KLF8: variants seen among roughly 807,000 people sequenced by gnomAD.
The protein encoded by KLF8 is KLF transcription factor 8, also known as Krueppel-like factor 8.
Under a neutral mutation model 18.2 loss-of-function variants are expected in KLF8, and 10 were observed. The observed-to-expected ratio is 0.55, with a 90% CI of 0.34 to 0.93. The LOEUF (loss-of-function observed/expected upper bound fraction) is 0.93. KLF8 is among the 40% of genes least tolerant of loss of function. The pLI, the probability that KLF8 is intolerant of heterozygous loss-of-function variation, is 0.02. For synonymous variants in KLF8, 109 were observed against 97.3 expected (o/e 1.12, Z -0.71); for missense variants, 264 against 277.9 (o/e 0.95, Z 0.36).
intron 1 of KLF8, among the ~76,000 whole-genome samples, chrX:56,248,306 G>GA (rs58287631): frequency 0.19 from 19,731 of 106,241 alleles, 3,877 homozygotes; most frequent in African/African-American, 0.58. Context: ...CTTAAAGTAT[G>GA]AAAAAAAAAA....
At chrX:56,072,579 A>G in the KLF8 span, among the ~76,000 whole-genome samples, 2 of 111,858 alleles carry the variant, frequency 1.8e-5, no homozygotes, top group African/African-American at 3.2e-5. Context: ...TTACGCTTTT[A>G]TCTTTTGTCA....
chrX:55,957,374 G>T, the KLF8 span, among the ~76,000 whole-genome samples: 2 of 111,674 alleles, frequency 1.8e-5, no homozygotes, highest in Admixed American at 1.9e-4. Flanking sequence ...ACTATTCAGG[G>T]TCCCTTGAGA....
chrX:56,060,872 C>T, the KLF8 span, among the ~76,000 whole-genome samples: 1 of 111,474 alleles, frequency 9.0e-6, no homozygotes, highest in African/African-American at 3.3e-5. Context: ...AATTTCAGAA[C>T]TTGTTATTGG....
the KLF8 span, among the ~76,000 whole-genome samples, chrX:56,085,791 C>G: frequency 3.6e-5 from 4 of 111,841 alleles, no homozygotes; most frequent in Non-Finnish European, 7.5e-5. Context: ...GTAAAATAAA[C>G]CCAGTACTGA....
chrX:56,270,792 G>C lies in KLF8; in HGVS notation c.898+471G>C, dbSNP rs775767194. ...AGGTTGTAATCCACTAACCATTAAC[G>C]TGTCTTTGTTCACATTAAAAAAAAA... On this transcript the variant is annotated intron_variant, in intron 5 of 5. Coordinates refer to ENST00000468660, the MANE Select transcript of KLF8 (RefSeq NM_007250.5). Among the ~76,000 whole-genome samples the C allele has an allele frequency of 1.7e-4, 19 of 110,012 alleles. No individual in the cohort carries two copies. In the South Asian group the frequency reaches 7.5e-3, roughly 43 times the overall value.
chrX:55,920,812 T>G, the KLF8 span, among the ~76,000 whole-genome samples: 1 of 111,991 alleles, frequency 8.9e-6, no homozygotes, highest in African/African-American at 3.2e-5. Context: ...GTGTTCCTGA[T>G]GATGAAGAGA....
At chrX:56,202,096 C>A in the KLF8 span, among the ~76,000 whole-genome samples, 1 of 110,977 alleles carries the variant, frequency 9.0e-6, no homozygotes, top group Non-Finnish European at 1.9e-5. Flanking sequence ...GTATCCACTC[C>A]CAGAGAGTGA....
chrX:56,048,684 T>A, the KLF8 span, among the ~76,000 whole-genome samples: 1 of 111,888 alleles, frequency 8.9e-6, no homozygotes, highest in Non-Finnish European at 1.9e-5. Context: ...TGTAGTATAG[T>A]TTGAAGTCAG....
chrX:56,240,714 G>T (rs926545101), intron 1 of KLF8, among the ~76,000 whole-genome samples: 1 of 110,957 alleles, frequency 9.0e-6, no homozygotes, highest in African/African-American at 3.3e-5. Context: ...AAAGTACAGG[G>T]TAGTAGCAAG....
At chrX:55,980,168 G>A in the KLF8 span, among the ~76,000 whole-genome samples, 1 of 111,730 alleles carries the variant, frequency 9.0e-6, no homozygotes, top group African/African-American at 3.3e-5. Context: ...AGGATGAAAA[G>A]GAGTTTCAGT....
At chrX:56,041,684 T>G in the KLF8 span, among the ~76,000 whole-genome samples, 2 of 93,735 alleles carry the variant, frequency 2.1e-5, no homozygotes, top group African/African-American at 1.1e-4. Context: ...TTGTTGTTGT[T>G]GTTGTTGTTG....
At chrX:56,146,933 G>A in the KLF8 span, among the ~76,000 whole-genome samples, 1 of 112,018 alleles carries the variant, frequency 8.9e-6, no homozygotes, top group African/African-American at 3.2e-5. Flanking sequence ...ACTTTAAGTT[G>A]TACTCTAAGA....
At chrX:56,192,081 A>G in the KLF8 span, among the ~76,000 whole-genome samples, 1 of 112,083 alleles carries the variant, frequency 8.9e-6, no homozygotes, top group Admixed American at 9.5e-5. Flanking sequence ...AAAATTCCAA[A>G]GATTCCACAA....
chrX:56,125,690 G>A, the KLF8 span, among the ~76,000 whole-genome samples: 6,052 of 112,023 alleles, frequency 0.054, 156 homozygotes, highest in South Asian at 0.1. Flanking sequence ...TTGTAAATCT[G>A]GAGGAAATAT....
the KLF8 span, among the ~76,000 whole-genome samples, chrX:56,222,835 G>A: frequency 9.7e-5 from 11 of 113,181 alleles, no homozygotes; most frequent in African/African-American, 3.2e-4. Flanking sequence ...GGGGCTGGCC[G>A]GCGGCTCCGA....
the KLF8 span, among the ~76,000 whole-genome samples, chrX:56,190,039 AT>A: frequency 2.7e-5 from 3 of 110,595 alleles, no homozygotes; most frequent in Non-Finnish European, 5.7e-5. Context: ...AATTAAAAAA[AT>A]AAAAAAATAA....
At chrX:56,080,532 G>A in the KLF8 span, among the ~76,000 whole-genome samples, 1 of 111,389 alleles carries the variant, frequency 9.0e-6, no homozygotes, top group African/African-American at 3.3e-5. Context: ...TTAGTCTGAT[G>A]GGCTTCCCTT....
At chrX:56,201,699 A>G in the KLF8 span, among the ~76,000 whole-genome samples, 1 of 111,586 alleles carries the variant, frequency 9.0e-6, no homozygotes, top group South Asian at 3.8e-4. Context: ...TCATGGATAT[A>G]TACTTATCCT....
At chrX:56,164,006 T>C in the KLF8 span, among the ~76,000 whole-genome samples, 1 of 112,115 alleles carries the variant, frequency 8.9e-6, no homozygotes, top group Admixed American at 9.5e-5. Flanking sequence ...TGTAGACTTG[T>C]AGTATAGTTT....
Sources: allele counts gnomAD v4.1 joint callset (sites outside exome capture counted in the v4.1 genomes callset), GRCh38; gene constraint gnomAD v4.1.1; transcripts MANE v1.5; gene names NCBI Gene and HGNC (gene_info 2026-07-23, HGNC 2026-07-21).